CLCN6: variants seen among roughly 807,000 people sequenced by gnomAD.
The protein encoded by CLCN6 is Cl-/H+ antiporter 6.
Under a neutral mutation model 109.8 loss-of-function variants are expected in CLCN6, and 70 were observed. The observed-to-expected ratio is 0.64, with a 90% confidence interval of 0.53 to 0.78. The LOEUF is 0.78. CLCN6 is among the 30% of genes least tolerant of loss of function. The probability of loss-of-function intolerance (pLI) is 0.00; values close to 1 mark genes in which losing one functional copy is unlikely to be tolerated. For synonymous variants in CLCN6, 444 were observed against 447.8 expected (o/e 0.99, Z 0.11); for missense variants, 984 against 1,142.3 (o/e 0.86, Z 2.00).
intron 13 of CLCN6, among the ~76,000 whole-genome samples, chr1:11,832,646 A>G (rs551602735): frequency 6.6e-6 from 1 of 152,368 alleles, no homozygotes; most frequent in South Asian, 2.1e-4. Flanking sequence ...TAGCACGTCC[A>G]CATAATGGCA....
At chr1:11,811,346 A>C (rs1244104378) in intron 2 of CLCN6, among the ~76,000 whole-genome samples, 1 of 151,996 alleles carries the variant, frequency 6.6e-6, no homozygotes, top group African/African-American at 2.4e-5. Context: ...TTTAAAAATT[A>C]GTATATTCAC....
rs1644516170 is a variant in CLCN6 at position 11,806,651 on chromosome 1, C to T, written c.87+302C>T. On this transcript the variant is annotated intron_variant, in intron 1 of 22. Coordinates refer to ENST00000346436, the MANE Select transcript of CLCN6 (RefSeq NM_001286.5). ...ATGAAACAAGCGTTTTCAGAATGAG[C>T]TTCCTCACAGGACTTTGTGCTTATC... 5.5e-5 allele frequency: 23 copies of T among 418,104 alleles called. No individual in the cohort carries two copies. The East Asian group carries it at 8.4e-4, about 15-fold the overall frequency. 25.9% of individuals were successfully genotyped at this position (418,104 alleles called of 1,614,324 possible).
intron 13 of CLCN6, among the ~76,000 whole-genome samples, chr1:11,833,235 G>A (rs1644902070): frequency 6.6e-6 from 1 of 152,120 alleles, no homozygotes; most frequent in African/African-American, 2.4e-5. Context: ...CACCGGGAGA[G>A]GAAGCAGAAC....
In CLCN6 at chr1:11,808,304, G is replaced by A. The variant is rs548022864; in HGVS notation, c.147+1114G>A. ...AAAGACAGTCTCCCTATGTTGCCCAGGCTGTTCTCGAACTCCTTGACACCA... is the reference window on the plus strand; with the variant it reads ...AAAGACAGTCTCCCTATGTTGCCCAAGCTGTTCTCGAACTCCTTGACACCA... On this transcript the variant is annotated intron_variant, in intron 2 of 22. Transcript: ENST00000346436. 5.9e-4 allele frequency among the ~76,000 whole-genome samples: 89 copies of A among 150,706 alleles called. 1 individual carries two copies. The South Asian group carries it at 0.012, about 20-fold the overall frequency.
intron 10 of CLCN6, 34 bp downstream of exon 10, chr1:11,827,255 A>AC (rs1644824483): frequency 2.5e-6 from 4 of 1,590,638 alleles, no homozygotes; most frequent in Admixed American, 1.8e-5. Context: ...CATTAACCAC[A>AC]CCCCCCGAAT....
In CLCN6 at chr1:11,840,595, C is replaced by T. The variant is rs995999430; in HGVS notation, c.*372C>T. 3.7e-5 allele frequency: 12 copies of T among 326,564 alleles called. No homozygotes were observed. Among genetic ancestry groups the T allele is most frequent in the African/African-American group, 1.0e-4 (5 of 47,744 alleles). 20.2% of individuals were successfully genotyped at this position (326,564 alleles called of 1,614,324 possible). The stretch of plus-strand genomic sequence containing the variant: ...ATCTTTGCTACTTTCCTAGAGAACC[C>T]GGCTGTTGCCTTAAATGTGTGAGAG... On this transcript the variant is annotated 3_prime_UTR_variant, in exon 23 of 23. Coordinates refer to ENST00000346436, the MANE Select transcript of CLCN6 (RefSeq NM_001286.5).
chr1:11,807,108 C>T (rs1486507270), intron 1 of CLCN6, 23 bp from the exon 2 acceptor site: 2 of 1,612,142 alleles, frequency 1.2e-6, no homozygotes, highest in South Asian at 2.2e-5. Flanking sequence ...AAAAAGGCTC[C>T]CTCTGCGGAT....
At chr1:11,838,113 G>A (rs1644973180) in intron 20 of CLCN6, among the ~76,000 whole-genome samples, 1 of 152,238 alleles carries the variant, frequency 6.6e-6, no homozygotes, top group Non-Finnish European at 1.5e-5. Flanking sequence ...AAGAAAGGGA[G>A]TGCAGACAGA....
At chr1:11,816,829 G>A (rs1644679385) in intron 4 of CLCN6, 149 bp downstream of exon 4, 6 of 513,548 alleles carry the variant, frequency 1.2e-5, no homozygotes, top group Non-Finnish European at 2.0e-5. Context: ...AATCAAGAGT[G>A]CCTTTTCTTT....
chr1:11,828,702 G>C, intron 12 of CLCN6, 78 bp downstream of exon 12: 2 of 1,428,332 alleles, frequency 1.4e-6, no homozygotes, highest in Non-Finnish European at 1.9e-6. Flanking sequence ...CTCTCCCGAG[G>C]AGCGGACCCT....
chr1:11,839,530 G>A (rs1644992916), intron 22 of CLCN6, among the ~76,000 whole-genome samples: 1 of 152,214 alleles, frequency 6.6e-6, no homozygotes, highest in Non-Finnish European at 1.5e-5. Context: ...CCAAAGTGCT[G>A]GGATTACATG....
In CLCN6 at chr1:11,834,968, C is replaced by T. The variant is rs538537527; in HGVS notation, c.1793+378C>T. The stretch of plus-strand genomic sequence containing the variant: ...ATGTGCCCACCAGAATGCCCTACTG[C>T]CAGCCGGGATTGTTCTGGGCATAAT... On this transcript the variant is annotated intron_variant, in intron 17 of 22. Transcript: ENST00000346436. The surrounding 1 kb of genome is among the most constrained non-coding windows in gnomAD (Gnocchi z 4.5). 5.3e-5 allele frequency among the ~76,000 whole-genome samples: 8 copies of T among 152,332 alleles called. No homozygotes were observed. Among genetic ancestry groups the T allele is most frequent in the African/African-American group, 1.9e-4 (8 of 41,564 alleles).
rs187704095 is a variant in CLCN6, at chr1:11,824,293, A to G, written c.581-193A>G. On this transcript the variant is annotated intron_variant, in intron 7 of 22. Transcript: ENST00000346436. ...GCTCTCATTTGCTGACACACAATTT[A>G]GAATGTAGAGTGTTTTCTCTTCTAG... Among the ~76,000 whole-genome samples, 33 of 152,320 alleles carry G rather than the reference A, an allele frequency of 2.2e-4. No homozygotes were observed. The East Asian group carries it at 5.6e-3, about 26-fold the overall frequency.
At position 11,835,966 on chromosome 1, in the gene CLCN6, G is replaced by T; in HGVS notation, c.1794-1G>T. ...CTGGATGACTTGCCCTCCTCCCCCA[G>T]GCTGAGAGCCAGCGACATCATGGAG... On this transcript the variant is annotated splice_acceptor_variant, in intron 17 of 22. Transcript: ENST00000346436. LOFTEE classifies it high-confidence loss of function. 3 of 1,612,434 alleles carry T rather than the reference G, an allele frequency of 1.9e-6. No homozygotes were observed. Among genetic ancestry groups the T allele is most frequent in the Non-Finnish European group, 2.5e-6 (3 of 1,179,310 alleles).
chr1:11,816,845 C>CT (rs55875233), intron 4 of CLCN6, among the ~76,000 whole-genome samples, 165 bp downstream of exon 4: 55 of 146,618 alleles, frequency 3.8e-4, no homozygotes, highest in African/African-American at 8.7e-4. Context: ...TCTTTTTTCC[C>CT]TTTTTTTTTT....
At position 11,816,695 on chromosome 1, in the gene CLCN6, C is replaced by G. The variant is rs1321280097; in HGVS notation, c.279+15C>G. ...GCACTGGCCTGGTGAGGAGGCAGGG[C>G]CTGGAGGGATGGTGGGCCATAGGGC... On this transcript the variant is annotated intron_variant, in intron 4 of 22. Transcript: ENST00000346436. 5 of 1,608,414 alleles carry G rather than the reference C, an allele frequency of 3.1e-6. No homozygotes were observed. The highest frequency in any genetic ancestry group is 4.2e-6 in the Non-Finnish European group (5 of 1,176,786).
intron 11 of CLCN6, 63 bp downstream of exon 11, chr1:11,828,282 A>G: frequency 6.7e-7 from 1 of 1,496,078 alleles, no homozygotes. Context: ...TCTCAAGTGA[A>G]GGACCAGAGA....
chr1:11,828,653 C>T (rs776052410), intron 12 of CLCN6, 29 bp downstream of exon 12: 1 of 1,568,190 alleles, frequency 6.4e-7, no homozygotes, highest in East Asian at 2.2e-5. Context: ...CCCCCCCGAG[C>T]CTGCTGCGGC....
Position 11,828,983 on chromosome 1 carries a change from C to T in CLCN6, c.1122-213C>T, listed in dbSNP as rs926153254. On this transcript the variant is annotated intron_variant, in intron 12 of 22. Transcript: ENST00000346436. ...ATTCCTTGGAGAGAGATGATGTGGACGTAGCAGCCCACTTTAACTGTCCAC... is the reference window on the plus strand; with the variant it reads ...ATTCCTTGGAGAGAGATGATGTGGATGTAGCAGCCCACTTTAACTGTCCAC... Among the ~76,000 whole-genome samples the T allele has an allele frequency of 5.9e-5, 9 of 152,300 alleles. No homozygotes were observed. In the East Asian group the frequency reaches 7.7e-4, roughly 13 times the overall value.
Sources: gnomAD v4.1 joint callset for allele counts (sites outside exome capture counted in the v4.1 genomes callset) on GRCh38, gnomAD v4.1.1 for gene constraint, Gnocchi (gnomAD v3.1) non-coding constraint, MANE v1.5 for transcripts, NCBI Gene and HGNC (gene_info 2026-07-23, HGNC 2026-07-21) for gene names.